The following MOB3B variants were observed in gnomAD, a reference collection of about 807,000 sequenced individuals.
The protein encoded by MOB3B is MOB kinase activator 3B.
Under a neutral mutation model 18.7 loss-of-function variants are expected in MOB3B, and 7 were observed. That is an observed-to-expected ratio of 0.37 (90% CI 0.21 to 0.70). The LOEUF (loss-of-function observed/expected upper bound fraction) is 0.70, where lower values mean the gene tolerates loss of function less well. Ranked by LOEUF, MOB3B falls within the 30% of genes least tolerant of loss-of-function variation. The pLI is 0.52. For synonymous variants in MOB3B, 111 were observed against 99.9 expected (o/e 1.11, Z -0.66); for missense variants, 253 against 281.3 (o/e 0.90, Z 0.72).
chr9:27,522,242 C>CAAAAAAAAAAAAAAAAAAAAAAAAA (rs1171362204), intron 1 of MOB3B, among the ~76,000 whole-genome samples: 1 of 56,046 alleles, frequency 1.8e-5, no homozygotes, highest in Non-Finnish European at 2.9e-5. Flanking sequence ...CCCCGTCTCA[C>CAAAAAAAAAAAAAAAAAAAAAAAAA]AAAAAAAAAA....
chr9:27,448,653 G>A (rs533417096), intron 2 of MOB3B, among the ~76,000 whole-genome samples: 1 of 152,248 alleles, frequency 6.6e-6, no homozygotes, highest in African/African-American at 2.4e-5. Context: ...ATGAGATTTG[G>A]GGTGGGACAC....
chr9:27,477,489 C>T (rs1343551247), intron 1 of MOB3B, among the ~76,000 whole-genome samples: 1 of 152,162 alleles, frequency 6.6e-6, no homozygotes, highest in African/African-American at 2.4e-5. Context: ...TTTGTCTTTC[C>T]CATGAGAATG....
At chr9:27,373,340 C>G (rs1437955976) in intron 2 of MOB3B, among the ~76,000 whole-genome samples, 2 of 152,228 alleles carry the variant, frequency 1.3e-5, no homozygotes, top group Non-Finnish European at 2.9e-5. Context: ...ATACAACTCC[C>G]ACTATACACC....
chr9:27,453,729 C>T (rs545037387), intron 2 of MOB3B, among the ~76,000 whole-genome samples: 1 of 152,120 alleles, frequency 6.6e-6, no homozygotes, highest in Non-Finnish European at 1.5e-5. Flanking sequence ...TCCTTGCCTA[C>T]ATTTATTTAT....
chr9:27,487,462 C>T (rs376651601), intron 1 of MOB3B, among the ~76,000 whole-genome samples: 35 of 152,100 alleles, frequency 2.3e-4, no homozygotes, highest in African/African-American at 7.5e-4. Context: ...CAGTGTTGCT[C>T]AGCTGTGAAA....
chr9:27,468,452 C>T (rs1819419014), intron 1 of MOB3B, among the ~76,000 whole-genome samples: 1 of 152,190 alleles, frequency 6.6e-6, no homozygotes, highest in Non-Finnish European at 1.5e-5. Flanking sequence ...TTCTCTCTGG[C>T]TTAACTTCAA....
chr9:27,429,700 CG>C (rs1654387807), intron 2 of MOB3B, among the ~76,000 whole-genome samples: 1 of 152,026 alleles, frequency 6.6e-6, no homozygotes, highest in South Asian at 2.1e-4. Flanking sequence ...GTTGCATAGA[CG>C]GAGAGCTTGG....
At chr9:27,398,442 C>A (rs76771837) in intron 2 of MOB3B, among the ~76,000 whole-genome samples, 1 of 152,272 alleles carries the variant, frequency 6.6e-6, no homozygotes, top group South Asian at 2.1e-4. Context: ...TAATTCCTAC[C>A]TGTAAGGTTG....
chr9:27,455,785 C>T, intron 1 of MOB3B, 37 bp from the exon 2 acceptor site: 1 of 1,399,272 alleles, frequency 7.1e-7, no homozygotes, highest in Non-Finnish European at 9.3e-7. Context: ...CATGAGTGCC[C>T]AGTTCGCCTT....
At chr9:27,487,532 TG>T (rs974075126) in intron 1 of MOB3B, among the ~76,000 whole-genome samples, 15 of 152,054 alleles carry the variant, frequency 9.9e-5, no homozygotes, top group Non-Finnish European at 1.9e-4. Flanking sequence ...CCATGAGACC[TG>T]GGGGGCCAGG....
intron 2 of MOB3B, among the ~76,000 whole-genome samples, chr9:27,383,755 AC>A (rs2131376408): frequency 6.6e-6 from 1 of 152,312 alleles, no homozygotes; most frequent in South Asian, 2.1e-4. Flanking sequence ...GTGCTAGCAC[AC>A]TGCATTGTTC....
Position 27,495,349 on chromosome 9 carries a change from GATAA to G in MOB3B, c.-199+34202_-199+34205del, listed in dbSNP as rs775306955. Among the ~76,000 whole-genome samples the G allele has an allele frequency of 7.4e-4, 112 of 152,114 alleles. 1 individual carries two copies. In the East Asian group the frequency reaches 0.01, roughly 14 times the overall value. Reference sequence around the variant, plus strand: ...TGTCTCCAAAATAAATAAATAAATAGATAAATAAATAAATAAATTAATTAATTAA... The same window carrying G: ...TGTCTCCAAAATAAATAAATAAATAGATAAATAAATAAATTAATTAATTAA... On this transcript the variant is annotated intron_variant, in intron 1 of 3. Coordinates refer to ENST00000262244, the MANE Select transcript of MOB3B (RefSeq NM_024761.5).
At chr9:27,482,189 G>A (rs537082173) in intron 1 of MOB3B, among the ~76,000 whole-genome samples, 21 of 152,244 alleles carry the variant, frequency 1.4e-4, no homozygotes, top group African/African-American at 5.1e-4. Flanking sequence ...TGTAATTTCC[G>A]CCCTGTTCAA....
intron 3 of MOB3B, among the ~76,000 whole-genome samples, chr9:27,337,941 C>T (rs1820887228): frequency 6.6e-6 from 1 of 152,170 alleles, no homozygotes; most frequent in African/African-American, 2.4e-5. Context: ...CCCTGTGGCA[C>T]CATGCTGCCT....
At chr9:27,436,019 G>T (rs1003535845) in intron 2 of MOB3B, among the ~76,000 whole-genome samples, 1 of 152,050 alleles carries the variant, frequency 6.6e-6, no homozygotes, top group African/African-American at 2.4e-5. Context: ...GTCCTTCAGG[G>T]ATGCCTCAGT....
At chr9:27,348,183 A>G (rs994731057) in intron 3 of MOB3B, among the ~76,000 whole-genome samples, 5 of 152,204 alleles carry the variant, frequency 3.3e-5, no homozygotes, top group African/African-American at 1.2e-4. Flanking sequence ...TTTCTTAAGC[A>G]ATGAGCACTT....
At chr9:27,341,812 G>A (rs930484075) in intron 3 of MOB3B, among the ~76,000 whole-genome samples, 3 of 152,238 alleles carry the variant, frequency 2.0e-5, no homozygotes, top group East Asian at 1.9e-4. Flanking sequence ...TTGGCAGAGC[G>A]AGAATTCAAA....
At chr9:27,384,471 C>G (rs1239082795) in intron 2 of MOB3B, among the ~76,000 whole-genome samples, 2 of 152,150 alleles carry the variant, frequency 1.3e-5, no homozygotes, top group African/African-American at 4.8e-5. Flanking sequence ...TGGCAACTAG[C>G]TGGCACACCC....
chr9:27,421,972 T>C (rs960929010), intron 2 of MOB3B, among the ~76,000 whole-genome samples: 1 of 152,216 alleles, frequency 6.6e-6, no homozygotes, highest in Non-Finnish European at 1.5e-5. Context: ...TCAATGCAGA[T>C]ATAAGTTCAA....
Sources: gnomAD v4.1 joint callset for allele counts (sites outside exome capture counted in the v4.1 genomes callset) on GRCh38, gnomAD v4.1.1 for gene constraint, MANE v1.5 for transcripts, NCBI Gene and HGNC (gene_info 2026-07-23, HGNC 2026-07-21) for gene names.